HHAT: variants seen among roughly 807,000 people sequenced by gnomAD.
HHAT encodes the protein protein-cysteine N-palmitoyltransferase HHAT.
HHAT carries 47 observed loss-of-function variants against 70.8 expected under a neutral mutation model. The observed-to-expected ratio is 0.66, with a 90% CI of 0.53 to 0.85. The LOEUF (loss-of-function observed/expected upper bound fraction) is 0.85, where lower values mean the gene tolerates loss of function less well. HHAT is among the 40% of genes least tolerant of loss of function. The pLI, the probability that HHAT is intolerant of heterozygous loss-of-function variation, is 0.00. For synonymous variants in HHAT, 228 were observed against 247.6 expected, an observed-to-expected ratio of 0.92 and a Z score of 0.74; for missense variants, 609 against 604.8, an observed-to-expected ratio of 1.01 and a Z score of -0.07.
At chr1:210,453,429 AAG>A (rs1385941185) in intron 7 of HHAT, among the ~76,000 whole-genome samples, 1 of 152,174 alleles carries the variant, frequency 6.6e-6, no homozygotes, top group African/African-American at 2.4e-5. Context: ...TGCAGAATGG[AAG>A]AGATGCCTGC....
intron 6 of HHAT, among the ~76,000 whole-genome samples, chr1:210,412,864 T>C (rs1045421134): frequency 4.6e-5 from 7 of 152,168 alleles, no homozygotes; most frequent in Non-Finnish European, 4.4e-5. Context: ...TTGTTAGAAA[T>C]CTAGGTGGAG....
intron 9 of HHAT, among the ~76,000 whole-genome samples, chr1:210,547,647 AAC>A (rs2095495260): frequency 6.6e-6 from 1 of 152,222 alleles, no homozygotes. Flanking sequence ...TTTTGTGCAT[AAC>A]ACTGAGTTGG....
chr1:210,486,761 A>G (rs1339036912), intron 8 of HHAT, among the ~76,000 whole-genome samples: 1 of 152,220 alleles, frequency 6.6e-6, no homozygotes, highest in Non-Finnish European at 1.5e-5. Context: ...AAGAGCATTC[A>G]TCTCAGGAAT....
At chr1:210,592,321 T>A (rs539987819) in intron 10 of HHAT, among the ~76,000 whole-genome samples, 2 of 152,136 alleles carry the variant, frequency 1.3e-5, no homozygotes, top group Non-Finnish European at 2.9e-5. Context: ...CTTGGCACTT[T>A]TGTTGAAAAT....
At chr1:210,394,603 C>T (rs1459349012) in intron 4 of HHAT, among the ~76,000 whole-genome samples, 1 of 151,910 alleles carries the variant, frequency 6.6e-6, no homozygotes, top group African/African-American at 2.4e-5. Context: ...CTGTTGCTAA[C>T]CACAGAGCCG....
At chr1:210,372,780 GT>G (rs56121731) in intron 3 of HHAT, among the ~76,000 whole-genome samples, 3,824 of 140,186 alleles carry the variant, frequency 0.027, 177 homozygotes, top group African/African-American at 0.09. Flanking sequence ...CAAGGGAGGT[GT>G]TTTTTTTTTT....
At position 210,386,230 on chromosome 1, in the gene HHAT, C is replaced by CTTTCTTTTTTTTTTTTTTTTTTTTT. The variant is rs1324452281; in HGVS notation, c.160-1235_160-1234insCTTTTTTTTTTTTTTTTTTTTTTTT. On this transcript the variant is annotated intron_variant, in intron 3 of 11. Transcript: ENST00000261458. ...ATTGCAGGAGTCCTTTTCTTTTTTT[C>CTTTCTTTTTTTTTTTTTTTTTTTTT]TTTTTTTTTTTTTTTTTTTTTTTTT... Among the ~76,000 whole-genome samples the CTTTCTTTTTTTTTTTTTTTTTTTTT allele has an allele frequency of 5.0e-4, 35 of 69,926 alleles. 6 individuals are homozygous for CTTTCTTTTTTTTTTTTTTTTTTTTT. Among genetic ancestry groups the CTTTCTTTTTTTTTTTTTTTTTTTTT allele is most frequent in the Admixed American group, 7.1e-4 (4 of 5,652 alleles). 45.9% of individuals were successfully genotyped at this position (69,926 alleles called of 152,430 possible).
chr1:210,491,678 A>T (rs780066768), intron 8 of HHAT, among the ~76,000 whole-genome samples: 7 of 152,112 alleles, frequency 4.6e-5, no homozygotes, highest in African/African-American at 1.4e-4. Flanking sequence ...TTCTGCCCCT[A>T]TTCTTCAGTC....
At chr1:210,640,281 G>A (rs1047371239) in intron 11 of HHAT, among the ~76,000 whole-genome samples, 3 of 152,174 alleles carry the variant, frequency 2.0e-5, no homozygotes, top group Non-Finnish European at 4.4e-5. Context: ...ATCAGTGTCT[G>A]GGGTTAGAAA....
intron 7 of HHAT, among the ~76,000 whole-genome samples, chr1:210,456,794 T>G (rs548966287): frequency 3.3e-5 from 5 of 152,342 alleles, no homozygotes; most frequent in Admixed American, 1.3e-4. Context: ...GTCATTCATT[T>G]CCAGAATTCA....
intron 6 of HHAT, among the ~76,000 whole-genome samples, chr1:210,409,873 T>C (rs894185832): frequency 1.3e-5 from 2 of 152,216 alleles, no homozygotes; most frequent in African/African-American, 4.8e-5. Flanking sequence ...TTTTTAGTGA[T>C]GCCTGAACTT....
chr1:210,448,078 GT>G (rs1037958202), intron 7 of HHAT, among the ~76,000 whole-genome samples: 2 of 119,390 alleles, frequency 1.7e-5, no homozygotes, highest in African/African-American at 6.6e-5. Flanking sequence ...TTGGTTAGAG[GT>G]TCTTTTTTTT....
chr1:210,578,446 C>G (rs1658412309), intron 9 of HHAT, among the ~76,000 whole-genome samples: 1 of 152,150 alleles, frequency 6.6e-6, no homozygotes, highest in Admixed American at 6.5e-5. Flanking sequence ...AAAAGAGCTA[C>G]TATGTGATTC....
intron 1 of HHAT, among the ~76,000 whole-genome samples, chr1:210,348,416 G>A (rs978328960): frequency 2.6e-5 from 4 of 152,148 alleles, no homozygotes; most frequent in African/African-American, 9.7e-5. Context: ...TATGATACTT[G>A]AAAGGGACAA....
intron 8 of HHAT, among the ~76,000 whole-genome samples, chr1:210,495,997 T>A (rs2094631562): frequency 1.2e-5 from 1 of 86,868 alleles, no homozygotes; most frequent in Non-Finnish European, 2.0e-5. Context: ...GGCAACAGAG[T>A]CAAACTCTAT....
At chr1:210,488,883 C>T (rs960400946) in intron 8 of HHAT, among the ~76,000 whole-genome samples, 1 of 152,122 alleles carries the variant, frequency 6.6e-6, no homozygotes, top group Non-Finnish European at 1.5e-5. Flanking sequence ...AGAGTGAGAC[C>T]TTGTTTCACA....
chr1:210,587,657 T>C (rs1465938209), intron 9 of HHAT, among the ~76,000 whole-genome samples: 3 of 152,244 alleles, frequency 2.0e-5, no homozygotes, highest in African/African-American at 7.2e-5. Context: ...AGTGCTATTT[T>C]GCTCTAGTAA....
rs1558310397 is a variant in HHAT at position 210,340,250 on chromosome 1, A to AGG, written c.-43-8683_-43-8682insGG. 9.4e-5 allele frequency among the ~76,000 whole-genome samples: 13 copies of AGG among 138,326 alleles called. 1 individual carries two copies. The highest frequency in any genetic ancestry group is 2.2e-4 in the African/African-American group (8 of 35,960). 90.7% of individuals were successfully genotyped at this position (138,326 alleles called of 152,430 possible). A position where few individuals can be genotyped will look rare whatever the true frequency, so the allele number is the denominator to read the frequency against. On this transcript the variant is annotated intron_variant, in intron 1 of 11. Coordinates refer to ENST00000261458, the MANE Select transcript of HHAT (RefSeq NM_018194.6). ...AGCAAGACTCTGTCTCAGAAAAAAA[A>AGG]AAAAAAAAAAAAAAAAAAGACTCAA...
At chr1:210,543,920 T>A (rs2095456320) in intron 9 of HHAT, among the ~76,000 whole-genome samples, 1 of 152,128 alleles carries the variant, frequency 6.6e-6, no homozygotes, top group South Asian at 2.1e-4. Flanking sequence ...ACCCTCACTG[T>A]CTCCACCTTC....
Sources: allele counts gnomAD v4.1 joint callset (sites outside exome capture counted in the v4.1 genomes callset), GRCh38; gene constraint gnomAD v4.1.1; transcripts MANE v1.5; gene names NCBI Gene and HGNC (gene_info 2026-07-23, HGNC 2026-07-21).